RYR2: variants seen among roughly 807,000 people sequenced by gnomAD.
RYR2 encodes the protein ryanodine receptor 2.
Under a neutral mutation model 601.1 loss-of-function variants are expected in RYR2, and 227 were observed. That is an observed-to-expected ratio of 0.38 (90% CI 0.34 to 0.42). The LOEUF (loss-of-function observed/expected upper bound fraction) is 0.42. RYR2 is among the 10% of genes least tolerant of loss of function. The pLI, the probability that RYR2 is intolerant of heterozygous loss-of-function variation, is 1.00. For synonymous variants in RYR2, 2,223 were observed against 2,175.1 expected, an observed-to-expected ratio of 1.02 and a Z score of -0.61; for missense variants, 4,646 against 6,156.5, an observed-to-expected ratio of 0.75 and a Z score of 8.21.
chr1:237,267,786 G>A (rs1689221236), intron 1 of RYR2, among the ~76,000 whole-genome samples: 1 of 152,156 alleles, frequency 6.6e-6, no homozygotes, highest in Admixed American at 6.5e-5. Context: ...AATCAATTGA[G>A]TCTCTAGAAG....
intron 59 of RYR2, 67 bp downstream of exon 59, chr1:237,674,286 T>C: frequency 8.1e-7 from 1 of 1,240,856 alleles, no homozygotes. Context: ...ATCTCCATCA[T>C]ATTTAAAGCT....
At chr1:237,607,926 A>G (rs1677324743) in intron 35 of RYR2, among the ~76,000 whole-genome samples, 1 of 152,190 alleles carries the variant, frequency 6.6e-6, no homozygotes, top group South Asian at 2.1e-4. Context: ...AATATAACTA[A>G]ACATCTTGAG....
intron 58 of RYR2, among the ~76,000 whole-genome samples, chr1:237,671,519 G>A (rs1216535646): frequency 6.6e-6 from 1 of 150,812 alleles, no homozygotes; most frequent in Non-Finnish European, 1.5e-5. Flanking sequence ...GTGTGTGTGT[G>A]CGTGTGTGTG....
At chr1:237,607,303 TCTCAGCAAAC>T (rs1413071021) in intron 35 of RYR2, among the ~76,000 whole-genome samples, 4 of 151,976 alleles carry the variant, frequency 2.6e-5, no homozygotes, top group South Asian at 4.2e-4. Flanking sequence ...AAACCACAAT[TCTCAGCAAAC>T]TATCACAAGG....
intron 1 of RYR2, among the ~76,000 whole-genome samples, chr1:237,067,378 G>T (rs1175222934): frequency 1.3e-5 from 2 of 152,050 alleles, no homozygotes; most frequent in African/African-American, 4.8e-5. Context: ...AATTATTCCA[G>T]CAGCATTTGT....
chr1:237,043,208 C>T (rs571750481), intron 1 of RYR2, among the ~76,000 whole-genome samples: 1 of 152,312 alleles, frequency 6.6e-6, no homozygotes, highest in South Asian at 2.1e-4. Context: ...TCCGTGGTCC[C>T]CGCGGTTCCC....
chr1:237,673,711 T>A (rs949188755), intron 58 of RYR2, among the ~76,000 whole-genome samples: 4 of 152,250 alleles, frequency 2.6e-5, no homozygotes, highest in African/African-American at 9.6e-5. Flanking sequence ...CCCTGAAACA[T>A]GCCTTATAAC....
chr1:237,211,466 T>C (rs1682562247), intron 1 of RYR2, among the ~76,000 whole-genome samples: 1 of 152,184 alleles, frequency 6.6e-6, no homozygotes, highest in Admixed American at 6.5e-5. Flanking sequence ...GGTGAGGAAA[T>C]GAAGGTTTAG....
At chr1:237,088,569 A>ACGTTTCTTTTTCTGTG (rs1225673101) in intron 1 of RYR2, among the ~76,000 whole-genome samples, 1 of 152,006 alleles carries the variant, frequency 6.6e-6, no homozygotes, top group Non-Finnish European at 1.5e-5. Context: ...TTGGTGTTGT[A>ACGTTTCTTTTTCTGTG]CGTTTCTTTT....
intron 1 of RYR2, among the ~76,000 whole-genome samples, chr1:237,134,563 C>T (rs2148719624): frequency 6.6e-6 from 1 of 152,210 alleles, no homozygotes; most frequent in East Asian, 1.9e-4. Flanking sequence ...CAGTTACCTC[C>T]CACTGGGTCC....
At chr1:237,193,416 C>G (rs1393278921) in intron 1 of RYR2, among the ~76,000 whole-genome samples, 1 of 152,058 alleles carries the variant, frequency 6.6e-6, no homozygotes, top group Non-Finnish European at 1.5e-5. Context: ...GCAGAGATCG[C>G]GCCACTGCAC....
At chr1:237,797,940 A>T in intron 96 of RYR2, 97 bp from the exon 97 acceptor site, 2 of 1,124,134 alleles carry the variant, frequency 1.8e-6, no homozygotes, top group Non-Finnish European at 2.5e-6. Context: ...GGGCAAATAT[A>T]CAGTAAGTAT....
Position 237,603,263 on chromosome 1 carries a change from T to C in RYR2, c.4683+1152T>C, listed in dbSNP as rs557563556. 3.8e-4 allele frequency among the ~76,000 whole-genome samples: 58 copies of C among 152,272 alleles called. 1 individual carries two copies. Among genetic ancestry groups the C allele is most frequent in the Middle Eastern group, 3.4e-3 (1 of 294 alleles). On this transcript the variant is annotated intron_variant, in intron 35 of 104. Transcript: ENST00000366574. ...TGGAATCCGCGGGGAAAGAAGACCC[T>C]GTTGAGCTTGACTCTAGTCTGGCAC...
chr1:237,122,415 C>T (rs1307776233), intron 1 of RYR2, among the ~76,000 whole-genome samples: 1 of 152,234 alleles, frequency 6.6e-6, no homozygotes, highest in Non-Finnish European at 1.5e-5. Context: ...GCCATGGTGG[C>T]TCATGCCTGT....
Position 237,481,392 on chromosome 1 carries a change from C to G in RYR2, c.1709-10414C>G, listed in dbSNP as rs111878228. On this transcript the variant is annotated intron_variant, in intron 17 of 104. Coordinates refer to ENST00000366574, the MANE Select transcript of RYR2 (RefSeq NM_001035.3). ...ATTTTAAACAAACAAAAACATTTTT[C>G]TCCGGCTCAGTGGTGATTCAGTTTG... is the stretch of plus-strand genomic sequence containing the variant. Among the ~76,000 whole-genome samples the G allele has an allele frequency of 2.5e-3, 381 of 152,196 alleles. 2 individuals are homozygous for G. The highest frequency in any genetic ancestry group is 8.3e-3 in the African/African-American group (344 of 41,530).
intron 63 of RYR2, among the ~76,000 whole-genome samples, chr1:237,690,015 T>C (rs1686799103): frequency 6.6e-6 from 1 of 152,104 alleles, no homozygotes; most frequent in South Asian, 2.1e-4. Flanking sequence ...CGGCTAATTT[T>C]TAGTAGAAAC....
At chr1:237,806,965 G>A (rs934744516) in intron 99 of RYR2, among the ~76,000 whole-genome samples, 12 of 152,116 alleles carry the variant, frequency 7.9e-5, no homozygotes, top group Admixed American at 6.5e-4. Context: ...ACTGGGTGGC[G>A]ACATATTCTG....
rs1410632078 is a variant in RYR2 at position 237,042,324 on chromosome 1, T to C, written c.-198T>C. On this transcript the variant is annotated 5_prime_UTR_variant, in exon 1 of 105. Coordinates refer to ENST00000366574, the MANE Select transcript of RYR2 (RefSeq NM_001035.3). ...GTGCGGAGCAGGGAGGCCCCGCGCC[T>C]CGACCACCCGCGCCCGAGCGTCCGC... 6.3e-6 allele frequency: 2 copies of C among 316,020 alleles called. No individual in the cohort carries two copies. The highest frequency in any genetic ancestry group is 1.1e-5 in the Non-Finnish European group (2 of 190,064). 19.6% of individuals were successfully genotyped at this position (316,020 alleles called of 1,614,324 possible).
At chr1:237,269,073 G>A (rs541708171) in intron 1 of RYR2, among the ~76,000 whole-genome samples, 15 of 110,510 alleles carry the variant, frequency 1.4e-4, no homozygotes, top group Admixed American at 2.0e-4. Flanking sequence ...ACAGAGTTTC[G>A]CTCTTGTTGC....
Sources: allele counts gnomAD v4.1 joint callset (sites outside exome capture counted in the v4.1 genomes callset), GRCh38; gene constraint gnomAD v4.1.1; transcripts MANE v1.5; gene names NCBI Gene and HGNC (gene_info 2026-07-23, HGNC 2026-07-21).